The following TENM4 variants were observed in gnomAD, a reference collection of about 807,000 sequenced individuals.
TENM4 encodes the protein teneurin-4.
TENM4 carries 82 observed loss-of-function variants against 243.3 expected under a neutral mutation model. That is an observed-to-expected ratio of 0.34 (90% confidence interval 0.28 to 0.40). The LOEUF (loss-of-function observed/expected upper bound fraction) is 0.40. Among genes scored for constraint, TENM4 ranks in the 10% least tolerant of loss-of-function variants. The pLI is 1.00. For synonymous variants in TENM4, 1,412 were observed against 1,456.3 expected, an observed-to-expected ratio of 0.97 and a Z score of 0.69; for missense variants, 3,138 against 3,673.3, an observed-to-expected ratio of 0.85 and a Z score of 3.77.
intron 1 of TENM4, among the ~76,000 whole-genome samples, chr11:79,363,161 A>C (rs543250989): frequency 2.4e-4 from 37 of 152,336 alleles, no homozygotes; most frequent in African/African-American, 8.9e-4. Flanking sequence ...CTAGATTTCC[A>C]GTTTCTCTTG....
At chr11:79,419,332 A>C (rs1858882786) in intron 1 of TENM4, among the ~76,000 whole-genome samples, 1 of 152,174 alleles carries the variant, frequency 6.6e-6, no homozygotes, top group Non-Finnish European at 1.5e-5. Context: ...CCACCAGAGC[A>C]CTTGGGAACA....
intron 11 of TENM4, 70 bp from the exon 12 acceptor site, chr11:78,854,384 T>A: frequency 7.4e-7 from 1 of 1,358,556 alleles, no homozygotes; most frequent in South Asian, 1.7e-5. Context: ...TCCCGGGGCT[T>A]CTCCTGGAGA....
chr11:78,991,188 T>C (rs1350054382), intron 6 of TENM4, among the ~76,000 whole-genome samples: 1 of 152,192 alleles, frequency 6.6e-6, no homozygotes, highest in Non-Finnish European at 1.5e-5. Flanking sequence ...ATGCTAAGAC[T>C]GTCCTGCCCA....
At chr11:79,235,740 A>C (rs1864453318) in intron 2 of TENM4, among the ~76,000 whole-genome samples, 1 of 152,118 alleles carries the variant, frequency 6.6e-6, no homozygotes, top group South Asian at 2.1e-4. Flanking sequence ...CAGGTTCAAA[A>C]ACTGATCACT....
intron 4 of TENM4, among the ~76,000 whole-genome samples, 153 bp from the exon 5 acceptor site, chr11:79,070,162 G>T (rs1860375192): frequency 6.6e-6 from 1 of 152,204 alleles, no homozygotes; most frequent in Non-Finnish European, 1.5e-5. Context: ...CCCATAAGTG[G>T]CAAAGGAAAG....
intron 25 of TENM4, among the ~76,000 whole-genome samples, chr11:78,714,904 A>G (rs1337014382): frequency 1.3e-5 from 2 of 152,226 alleles, no homozygotes; most frequent in African/African-American, 4.8e-5. Context: ...ACGATAGGAC[A>G]TAATGCTGTG....
intron 33 of TENM4, among the ~76,000 whole-genome samples, chr11:78,660,466 T>C (rs1473256766): frequency 1.3e-5 from 2 of 152,034 alleles, no homozygotes; most frequent in Admixed American, 6.6e-5. Flanking sequence ...TAAAGTACAG[T>C]GTGGGAAGTG....
chr11:79,235,787 A>C (rs1864454192), intron 2 of TENM4, among the ~76,000 whole-genome samples: 1 of 152,134 alleles, frequency 6.6e-6, no homozygotes, highest in African/African-American at 2.4e-5. Flanking sequence ...TTTTCCTCAT[A>C]ATGAACACTC....
At chr11:78,787,930 A>G (rs1856974313) in intron 15 of TENM4, among the ~76,000 whole-genome samples, 2 of 152,308 alleles carry the variant, frequency 1.3e-5, no homozygotes, top group Admixed American at 1.3e-4. Context: ...GAGCGGTGGT[A>G]AAGTCTTCCA....
In TENM4 at chr11:79,358,679, TCC is replaced by T. The variant is rs1857537770; in HGVS notation, c.-320-61138_-320-61137del. Among the ~76,000 whole-genome samples, 3 of 133,804 alleles carry T rather than the reference TCC, an allele frequency of 2.2e-5. No individual in the cohort carries two copies. The East Asian group carries it at 6.2e-4, about 28-fold the overall frequency. The allele number at this position is 133,804 out of a possible 152,430, so 87.8% of individuals were successfully genotyped here. A position where few individuals can be genotyped will look rare whatever the true frequency, so the allele number is the denominator to read the frequency against. Reference sequence around the variant, plus strand: ...CCTTCTTTCTTCCCTTCTCCTTCCCTCCCTCCCTTGCCTCCCTTGCCTCCCTC... The same window carrying T: ...CCTTCTTTCTTCCCTTCTCCTTCCCTCTCCCTTGCCTCCCTTGCCTCCCTC... On this transcript the variant is annotated intron_variant, in intron 1 of 33. Coordinates refer to ENST00000278550, the MANE Select transcript of TENM4 (RefSeq NM_001098816.3).
At chr11:79,029,684 G>C (rs777713906) in intron 6 of TENM4, among the ~76,000 whole-genome samples, 59 of 152,076 alleles carry the variant, frequency 3.9e-4, no homozygotes, top group Non-Finnish European at 6.5e-4. Flanking sequence ...CTTCGCAGTT[G>C]GAATCTTAAT....
At chr11:78,747,022 G>A (rs540291927) in intron 19 of TENM4, among the ~76,000 whole-genome samples, 8 of 152,340 alleles carry the variant, frequency 5.3e-5, no homozygotes, top group Non-Finnish European at 1.2e-4. Context: ...GGAAGGGGCT[G>A]ATGCCAGGCA....
chr11:79,070,060 G>C (rs553518678), intron 4 of TENM4, 51 bp from the exon 5 acceptor site: 11 of 1,457,812 alleles, frequency 7.5e-6, no homozygotes, highest in Middle Eastern at 5.0e-4. Flanking sequence ...GAACATTCCC[G>C]GGTTCATCCT....
chr11:78,843,360 AT>A (rs1381798315), intron 12 of TENM4, among the ~76,000 whole-genome samples: 1 of 152,026 alleles, frequency 6.6e-6, no homozygotes, highest in Non-Finnish European at 1.5e-5. Context: ...GGTGGCACAC[AT>A]TTGCAGTCCT....
intron 3 of TENM4, among the ~76,000 whole-genome samples, chr11:79,164,055 T>C (rs1402951542): frequency 9.5e-4 from 18 of 18,976 alleles, no homozygotes; most frequent in African/African-American, 1.7e-4. Flanking sequence ...ATAAATACTA[T>C]GTATATATAG....
chr11:79,389,147 G>T (rs1435146812), intron 1 of TENM4, among the ~76,000 whole-genome samples: 2 of 151,934 alleles, frequency 1.3e-5, no homozygotes, highest in Non-Finnish European at 2.9e-5. Context: ...GACGAGTGGG[G>T]TTTTTTTAGT....
chr11:79,437,033 C>A (rs538413738), intron 1 of TENM4, among the ~76,000 whole-genome samples: 1 of 152,238 alleles, frequency 6.6e-6, no homozygotes, highest in Admixed American at 6.5e-5. Flanking sequence ...TTCCAAGGAC[C>A]TACGGCACAC....
chr11:79,070,360 A>G (rs1338694809), intron 4 of TENM4, among the ~76,000 whole-genome samples: 1 of 152,164 alleles, frequency 6.6e-6, no homozygotes, highest in African/African-American at 2.4e-5. Flanking sequence ...CACATGGAGC[A>G]GGGCCTGACC....
intron 33 of TENM4, among the ~76,000 whole-genome samples, chr11:78,661,069 T>G (rs1239054849): frequency 6.6e-6 from 1 of 152,098 alleles, no homozygotes; most frequent in Admixed American, 6.5e-5. Flanking sequence ...TCTTTGTGAG[T>G]TACATAGAAT....
Sources: allele counts gnomAD v4.1 joint callset (sites outside exome capture counted in the v4.1 genomes callset), GRCh38; gene constraint gnomAD v4.1.1; transcripts MANE v1.5; gene names NCBI Gene and HGNC (gene_info 2026-07-23, HGNC 2026-07-21).